Variants in MAPK10 observed in about 807,000 individuals in gnomAD.
MAPK10 encodes mitogen-activated protein kinase 10, also known as JNK3 alpha protein kinase.
A neutral mutation model predicts 59.3 loss-of-function variants in MAPK10; 25 were observed. The observed-to-expected ratio is 0.42, with a 90% confidence interval of 0.31 to 0.59. The LOEUF (loss-of-function observed/expected upper bound fraction) is 0.59. Ranked by LOEUF, MAPK10 falls within the 20% of genes least tolerant of loss-of-function variation. The pLI, the probability that MAPK10 is intolerant of heterozygous loss-of-function variation, is 0.15. For synonymous variants in MAPK10, 190 were observed against 200.5 expected, an observed-to-expected ratio of 0.95 and a Z score of 0.44; for missense variants, 351 against 568.9, an observed-to-expected ratio of 0.62 and a Z score of 3.90.
intron 11 of MAPK10, among the ~76,000 whole-genome samples, chr4:86,056,344 A>G (rs1041437458): frequency 6.7e-6 from 1 of 150,336 alleles, no homozygotes. Context: ...GATGCATCAA[A>G]TTCATATTCA....
chr4:86,063,988 A>AC (rs1353978634), intron 11 of MAPK10, among the ~76,000 whole-genome samples: 4 of 152,228 alleles, frequency 2.6e-5, no homozygotes, highest in Non-Finnish European at 4.4e-5. Context: ...ACAAGAAGAA[A>AC]CACAAGTATT....
chr4:86,391,541 A>G (rs1309331647), intron 1 of MAPK10, among the ~76,000 whole-genome samples: 1 of 152,178 alleles, frequency 6.6e-6, no homozygotes, highest in African/African-American at 2.4e-5. Context: ...AATGAATCAG[A>G]GACCTGATTC....
chr4:86,148,946 C>A (rs2065686312), intron 4 of MAPK10, among the ~76,000 whole-genome samples: 1 of 152,080 alleles, frequency 6.6e-6, no homozygotes, highest in Non-Finnish European at 1.5e-5. Context: ...GACAGATGAT[C>A]AATAAAAGGT....
At chr4:86,456,930 C>A (rs146275331), upstream of MAPK10, among the ~76,000 whole-genome samples, 2,271 of 152,220 alleles carry the variant, frequency 0.015, 32 homozygotes, top group Non-Finnish European at 0.021. Context: ...CTAACTGAAT[C>A]CAACAACACA....
At chr4:86,163,529 C>T (rs1349834752) in intron 3 of MAPK10, among the ~76,000 whole-genome samples, 1 of 151,970 alleles carries the variant, frequency 6.6e-6, no homozygotes, top group Admixed American at 6.6e-5. Flanking sequence ...ATTATTTAAA[C>T]CTACAAAGAA....
intron 13 of MAPK10, chr4:86,027,081 C>T (rs886170490): frequency 2.6e-5 from 4 of 152,154 alleles, no homozygotes; most frequent in African/African-American, 9.7e-5. Context: ...GCCTCTCCAT[C>T]ATGCACATAA....
chr4:86,430,543 A>G (rs1033279496), intron 1 of MAPK10, among the ~76,000 whole-genome samples: 3 of 152,210 alleles, frequency 2.0e-5, no homozygotes, highest in African/African-American at 7.2e-5. Flanking sequence ...ATAAACGAGT[A>G]GTTATATACC....
chr4:86,042,378 G>T (rs2041735239), intron 11 of MAPK10, among the ~76,000 whole-genome samples: 1 of 152,058 alleles, frequency 6.6e-6, no homozygotes, highest in African/African-American at 2.4e-5. Context: ...TGCATGCTGG[G>T]CTTAAAACCT....
At chr4:86,434,148 C>T (rs1250728335) in intron 1 of MAPK10, among the ~76,000 whole-genome samples, 5 of 152,082 alleles carry the variant, frequency 3.3e-5, no homozygotes. Context: ...GGGGAAAGGA[C>T]AGTCTTTTCA....
chr4:86,543,910 C>T (rs1758931696), intron 1 of MAPK10, among the ~76,000 whole-genome samples: 1 of 152,176 alleles, frequency 6.6e-6, no homozygotes, highest in Non-Finnish European at 1.5e-5. Context: ...ACAACAAAAC[C>T]TCACTGTAAC....
At chr4:86,058,097 G>A (rs1346068902) in intron 11 of MAPK10, among the ~76,000 whole-genome samples, 2 of 149,638 alleles carry the variant, frequency 1.3e-5, no homozygotes, top group Non-Finnish European at 1.5e-5. Context: ...TAGTACTTGC[G>A]ATGTCTTGGC....
At chr4:86,155,949 A>T (rs2149219647) in intron 4 of MAPK10, among the ~76,000 whole-genome samples, 1 of 152,210 alleles carries the variant, frequency 6.6e-6, no homozygotes, top group East Asian at 1.9e-4. Flanking sequence ...GGTGTATCAT[A>T]GACAGCCTGG....
chr4:86,213,482 G>T (rs1275058508), intron 2 of MAPK10, among the ~76,000 whole-genome samples: 2 of 151,942 alleles, frequency 1.3e-5, no homozygotes, highest in Non-Finnish European at 2.9e-5. Context: ...AAAGAAGAAG[G>T]ACTCAAATTC....
chr4:86,511,794 A>AAAGGAAGGAAGGAAGGAAACAAGGAAGG (rs1311244234), intron 1 of MAPK10, among the ~76,000 whole-genome samples: 1 of 149,554 alleles, frequency 6.7e-6, no homozygotes, highest in Admixed American at 6.7e-5. Context: ...GAGAAGAAGA[A>AAAGGAAGGAAGGAAGGAAACAAGGAAGG]AAGGAAGGAA....
At chr4:86,195,423 C>G in intron 2 of MAPK10, among the ~76,000 whole-genome samples, 1 of 151,530 alleles carries the variant, frequency 6.6e-6, no homozygotes, top group Admixed American at 6.6e-5. Context: ...GAATGCATAG[C>G]TGAGTGGTCA....
chr4:86,059,849 CT>C (rs1248557572), intron 11 of MAPK10, among the ~76,000 whole-genome samples: 3 of 152,146 alleles, frequency 2.0e-5, no homozygotes, highest in Non-Finnish European at 4.4e-5. Flanking sequence ...GCATTCTCTT[CT>C]GGAACTTTCA....
intron 2 of MAPK10, among the ~76,000 whole-genome samples, chr4:86,295,015 G>A (rs554757030): frequency 1.2e-4 from 19 of 152,248 alleles, no homozygotes; most frequent in African/African-American, 4.6e-4. Flanking sequence ...CCTCAGAAGG[G>A]TATCACTCGC....
intron 9 of MAPK10, among the ~76,000 whole-genome samples, chr4:86,078,183 C>G (rs1458028629): frequency 6.6e-6 from 1 of 152,118 alleles, no homozygotes; most frequent in Non-Finnish European, 1.5e-5. Flanking sequence ...ACTAAAAAGT[C>G]TCTTGTGAGT....
At chr4:86,198,715 TTAA>T (rs2081959435) in intron 2 of MAPK10, among the ~76,000 whole-genome samples, 1 of 151,612 alleles carries the variant, frequency 6.6e-6, no homozygotes, top group South Asian at 2.1e-4. Flanking sequence ...GAAAAATATA[TTAA>T]TAAAATAAAC....
Sources: allele counts gnomAD v4.1 joint callset (sites outside exome capture counted in the v4.1 genomes callset), GRCh38; gene constraint gnomAD v4.1.1; transcripts MANE v1.5; gene names NCBI Gene and HGNC (gene_info 2026-07-23, HGNC 2026-07-21).